Variants in HS6ST3 observed in about 807,000 individuals in gnomAD.
HS6ST3 encodes the protein heparan-sulfate 6-O-sulfotransferase 3.
Under a neutral mutation model 36.7 loss-of-function variants are expected in HS6ST3, and 12 were observed. That is an observed-to-expected ratio of 0.33 (90% confidence interval 0.21 to 0.53). The LOEUF (loss-of-function observed/expected upper bound fraction) is 0.53, where lower values mean the gene tolerates loss of function less well. HS6ST3 is among the 20% of genes least tolerant of loss of function. The pLI is 0.95. For synonymous variants in HS6ST3, 240 were observed against 257.5 expected (o/e 0.93, Z 0.65); for missense variants, 584 against 640.9 (o/e 0.91, Z 0.96).
chr13:96,355,403 A>ACACACAC (rs55972859), intron 1 of HS6ST3, among the ~76,000 whole-genome samples: 2 of 137,894 alleles, frequency 1.5e-5, no homozygotes, highest in Non-Finnish European at 3.1e-5. Flanking sequence ...ACACACACAC[A>ACACACAC]AACACACAAA....
chr13:96,733,890 A>G (rs1876219637), intron 1 of HS6ST3, among the ~76,000 whole-genome samples: 1 of 152,150 alleles, frequency 6.6e-6, no homozygotes, highest in Admixed American at 6.5e-5. Flanking sequence ...CCCTTTCTCC[A>G]GAATACCTCA....
chr13:96,347,007 G>A (rs1485124511), intron 1 of HS6ST3, among the ~76,000 whole-genome samples: 2 of 152,146 alleles, frequency 1.3e-5, no homozygotes, highest in African/African-American at 4.8e-5. Flanking sequence ...CCAACAGCCA[G>A]TGAGAAGCCG....
chr13:96,516,689 A>G (rs2056074201), intron 1 of HS6ST3, among the ~76,000 whole-genome samples: 1 of 152,204 alleles, frequency 6.6e-6, no homozygotes, highest in Non-Finnish European at 1.5e-5. Context: ...TAGAATTTCA[A>G]TGAACACATT....
At chr13:96,470,442 T>G (rs2055835063) in intron 1 of HS6ST3, among the ~76,000 whole-genome samples, 1 of 152,144 alleles carries the variant, frequency 6.6e-6, no homozygotes, top group South Asian at 2.1e-4. Flanking sequence ...CTTCCCAATT[T>G]CATTGTACTG....
chr13:96,274,899 G>T (rs2054740634), intron 1 of HS6ST3, among the ~76,000 whole-genome samples: 1 of 134,410 alleles, frequency 7.4e-6, no homozygotes, highest in Non-Finnish European at 1.6e-5. Flanking sequence ...ACACACTGAA[G>T]AATTAGATGA....
At chr13:96,281,083 T>C (rs1175283815) in intron 1 of HS6ST3, among the ~76,000 whole-genome samples, 2 of 152,168 alleles carry the variant, frequency 1.3e-5, no homozygotes, top group Admixed American at 6.5e-5. Context: ...CTCGGCTCAC[T>C]GCAACCTCTG....
chr13:96,734,798 A>G (rs1876242278), intron 1 of HS6ST3, among the ~76,000 whole-genome samples: 1 of 152,132 alleles, frequency 6.6e-6, no homozygotes, highest in African/African-American at 2.4e-5. Context: ...CGCACCAACC[A>G]TTTGATTCTC....
intron 1 of HS6ST3, among the ~76,000 whole-genome samples, chr13:96,739,156 C>A (rs920468292): frequency 8.6e-5 from 13 of 151,510 alleles, no homozygotes; most frequent in African/African-American, 3.2e-4. Context: ...CTTTTACTAC[C>A]AAGTGTTAGA....
chr13:96,549,023 C>G (rs1222978747), intron 1 of HS6ST3, among the ~76,000 whole-genome samples: 1 of 152,204 alleles, frequency 6.6e-6, no homozygotes, highest in African/African-American at 2.4e-5. Context: ...TATGGTTACT[C>G]CCCTAGAGAC....
chr13:96,300,016 C>T (rs1348339410), intron 1 of HS6ST3, among the ~76,000 whole-genome samples: 1 of 144,058 alleles, frequency 6.9e-6, no homozygotes, highest in Non-Finnish European at 1.5e-5. Flanking sequence ...CACATGGCAG[C>T]AGGAGAGAAA....
At chr13:96,340,660 T>G (rs1477608553) in intron 1 of HS6ST3, among the ~76,000 whole-genome samples, 1 of 152,232 alleles carries the variant, frequency 6.6e-6, no homozygotes, top group Non-Finnish European at 1.5e-5. Context: ...CACTTCTCCC[T>G]GGGTGTCCTT....
intron 1 of HS6ST3, among the ~76,000 whole-genome samples, chr13:96,391,330 C>T (rs1453766367): frequency 2.6e-5 from 4 of 152,060 alleles, no homozygotes; most frequent in Admixed American, 1.3e-4. Context: ...ATTCAGATTC[C>T]ACATTTGAAA....
intron 1 of HS6ST3, among the ~76,000 whole-genome samples, chr13:96,733,603 T>C (rs1876212713): frequency 6.6e-6 from 1 of 152,242 alleles, no homozygotes; most frequent in Non-Finnish European, 1.5e-5. Context: ...ACAATTTTGA[T>C]ATTTGTCAAT....
chr13:96,736,763 A>T (rs1405584938), intron 1 of HS6ST3, among the ~76,000 whole-genome samples: 2 of 152,220 alleles, frequency 1.3e-5, no homozygotes, highest in African/African-American at 4.8e-5. Flanking sequence ...CTTTGATCAA[A>T]TTCAATGAAA....
At chr13:96,241,910 C>G (rs143692429) in intron 1 of HS6ST3, among the ~76,000 whole-genome samples, 2,339 of 151,216 alleles carry the variant, frequency 0.015, 63 homozygotes, top group African/African-American at 0.055. Flanking sequence ...CTCAGCCTCC[C>G]GAGTAGCTGG....
intron 1 of HS6ST3, among the ~76,000 whole-genome samples, chr13:96,129,874 C>T (rs576388409): frequency 6.6e-6 from 1 of 152,282 alleles, no homozygotes; most frequent in African/African-American, 2.4e-5. Flanking sequence ...GAAGCACCAA[C>T]TCTGTAGATT....
chr13:96,352,407 G>T (rs945533103), intron 1 of HS6ST3, among the ~76,000 whole-genome samples: 1 of 152,198 alleles, frequency 6.6e-6, no homozygotes, highest in South Asian at 2.1e-4. Flanking sequence ...ATTGGCAGTA[G>T]GTGTCAGTTC....
intron 1 of HS6ST3, among the ~76,000 whole-genome samples, chr13:96,646,942 G>A (rs946868800): frequency 4.6e-5 from 7 of 151,936 alleles, no homozygotes; most frequent in African/African-American, 1.2e-4. Context: ...GATCTAGGGC[G>A]AGCATTCAAC....
In HS6ST3 at chr13:96,168,535, G is replaced by A. The variant is rs142723859; in HGVS notation, c.707+76966G>A. On this transcript the variant is annotated intron_variant, in intron 1 of 1. Coordinates refer to ENST00000376705, the MANE Select transcript of HS6ST3 (RefSeq NM_153456.4). ...ATCCTGGGCAACATAGGGAGACCTC[G>A]TCTCTACAAAAAATTAAAAAATTAG... 7.2e-5 allele frequency among the ~76,000 whole-genome samples: 11 copies of A among 151,786 alleles called. No individual in the cohort carries two copies. In the East Asian group the frequency reaches 1.9e-3, roughly 27 times the overall value.
Sources: gnomAD v4.1 joint callset for allele counts (sites outside exome capture counted in the v4.1 genomes callset) on GRCh38, gnomAD v4.1.1 for gene constraint, MANE v1.5 for transcripts, NCBI Gene and HGNC (gene_info 2026-07-23, HGNC 2026-07-21) for gene names.